COL22A1: variants seen among roughly 807,000 people sequenced by gnomAD.
The protein encoded by COL22A1 is collagen alpha-1(XXII) chain.
COL22A1 carries 221 observed loss-of-function variants against 248.9 expected under a neutral mutation model. The ratio of observed to expected loss-of-function variants is 0.89; its 90% CI spans 0.80 to 0.99. The LOEUF (loss-of-function observed/expected upper bound fraction) is 0.99. Among genes scored for constraint, COL22A1 ranks in the 50% least tolerant of loss-of-function variants. COL22A1 has a pLI of 0.00. For missense variants in COL22A1, 2,240 were observed against 2,179.0 expected (o/e 1.03, Z -0.56); for synonymous variants, 891 against 793.4 (o/e 1.12, Z -2.07).
chr8:138,899,312 C>T (rs1349332878), intron 1 of COL22A1, among the ~76,000 whole-genome samples: 6 of 152,038 alleles, frequency 3.9e-5, no homozygotes, highest in East Asian at 1.9e-4. Flanking sequence ...GGCCACTTTA[C>T]GGATAAAAAA....
intron 23 of COL22A1, among the ~76,000 whole-genome samples, chr8:138,728,624 CT>C (rs1430950454): frequency 1.4e-4 from 22 of 151,990 alleles, no homozygotes; most frequent in African/African-American, 4.8e-4. Flanking sequence ...GTTTTGGAGT[CT>C]CATAGCACGT....
chr8:138,592,859 A>T (rs993574439), intron 63 of COL22A1, among the ~76,000 whole-genome samples: 2 of 152,240 alleles, frequency 1.3e-5, no homozygotes, highest in South Asian at 4.1e-4. Flanking sequence ...AAAAAAATAG[A>T]TAAAATATTT....
At chr8:138,678,965 G>A (rs925879572) in intron 40 of COL22A1, among the ~76,000 whole-genome samples, 30 of 152,098 alleles carry the variant, frequency 2.0e-4, no homozygotes, top group African/African-American at 6.5e-4. Flanking sequence ...ACCCAGGCTG[G>A]AGTACAGTGG....
At chr8:138,631,887 T>A (rs1448399364) in intron 49 of COL22A1, among the ~76,000 whole-genome samples, 2 of 152,210 alleles carry the variant, frequency 1.3e-5, no homozygotes, top group African/African-American at 4.8e-5. Context: ...TGATTTCTCA[T>A]TTATTTAGTG....
Position 138,821,381 on chromosome 8 carries a change from C to A in COL22A1, c.1000G>T (p.Ala334Ser). 1.2e-6 allele frequency: 2 copies of A among 1,613,738 alleles called. No homozygotes were observed. The highest frequency in any genetic ancestry group is 1.7e-6 in the Non-Finnish European group (2 of 1,179,702). ...GCACCCACAGCGTTGTACTCGACTG[C>A]CTTGTTTTCACCATCCAGCCGGATG... Reference protein sequence around the residue: ...VSIRLDGENKAVEYNAVGAMK... With the variant: ...VSIRLDGENKSVEYNAVGAMK... The change falls in exon 7 of 65, where the codon GCA becomes TCA. Residue 334 changes from alanine to serine, a missense_variant. Ala to Ser is a moderately conservative substitution (Grantham distance 99). Transcript: ENST00000303045.
In COL22A1 at chr8:138,755,950, C is replaced by G. The variant is rs556064634; in HGVS notation, c.1903-121G>C. 3 of 783,870 alleles carry G rather than the reference C, an allele frequency of 3.8e-6. No homozygotes were observed. In the East Asian group the frequency reaches 7.6e-5, roughly 20 times the overall value. 48.6% of individuals were successfully genotyped at this position (783,870 alleles called of 1,614,324 possible). On this transcript the variant is annotated intron_variant, in intron 18 of 64. Coordinates refer to ENST00000303045, the MANE Select transcript of COL22A1 (RefSeq NM_152888.3). ...CCACACCCCTCCCTGTGCACCACCACACATATCTTCGTCTTGCCCGAGCCT... is the reference window on the plus strand; with the variant it reads ...CCACACCCCTCCCTGTGCACCACCAGACATATCTTCGTCTTGCCCGAGCCT...
intron 31 of COL22A1, among the ~76,000 whole-genome samples, chr8:138,701,407 T>C (rs1477428962): frequency 6.6e-6 from 1 of 152,198 alleles, no homozygotes; most frequent in Non-Finnish European, 1.5e-5. Flanking sequence ...ATAATGGTCC[T>C]AAACCACAAT....
At chr8:138,827,012 C>T (rs1412638407) in intron 5 of COL22A1, among the ~76,000 whole-genome samples, 1 of 152,182 alleles carries the variant, frequency 6.6e-6, no homozygotes, top group Non-Finnish European at 1.5e-5. Flanking sequence ...CCTTCAAATC[C>T]ATCCCTATGG....
chr8:138,832,605 C>T (rs1245636525), intron 5 of COL22A1, among the ~76,000 whole-genome samples: 1 of 152,096 alleles, frequency 6.6e-6, no homozygotes, highest in Non-Finnish European at 1.5e-5. Context: ...TCTGTAAAGC[C>T]AAGTACCCAG....
chr8:138,710,597 ATCTATC>A (rs751309925), intron 30 of COL22A1, among the ~76,000 whole-genome samples: 3,289 of 50,102 alleles, frequency 0.066, 103 homozygotes, highest in East Asian at 0.31. Context: ...TAATCTATCT[ATCTATC>A]TATCTATATA....
intron 41 of COL22A1, among the ~76,000 whole-genome samples, chr8:138,675,623 G>A (rs11785186): frequency 0.65 from 98,979 of 152,046 alleles, 34,921 homozygotes; most frequent in East Asian, 0.79. Flanking sequence ...GGCTTTTAAG[G>A]ACAAAGTAAA....
At chr8:138,796,389 C>CTTT (rs11284610) in intron 12 of COL22A1, among the ~76,000 whole-genome samples, 12 of 26,302 alleles carry the variant, frequency 4.6e-4, no homozygotes, top group African/African-American at 1.6e-3. Flanking sequence ...TGCTACTTTC[C>CTTT]TTTTTTTTTT....
rs766130567 is a variant in COL22A1 at position 138,649,661 on chromosome 8, T to A, written c.3447+4A>T. 1 of 1,611,690 alleles carries A rather than the reference T, an allele frequency of 6.2e-7. No individual in the cohort carries two copies. Among genetic ancestry groups the A allele is most frequent in the Non-Finnish European group, 8.5e-7 (1 of 1,178,930 alleles). On this transcript the variant is annotated splice_donor_region_variant and intron_variant, in intron 46 of 64. Transcript: ENST00000303045. ...AAAAATCGAGTTTCCCCTTTTCTCC[T>A]TACCTTTTTCCCTTCTGTGCCTTCT...
chr8:138,907,947 G>C (rs1443115916), intron 1 of COL22A1, among the ~76,000 whole-genome samples: 4 of 152,106 alleles, frequency 2.6e-5, no homozygotes, highest in Admixed American at 1.3e-4. Flanking sequence ...TGCTGCAATG[G>C]GGATGAAGTT....
chr8:138,900,578 G>A (rs1814474307), intron 1 of COL22A1, among the ~76,000 whole-genome samples: 1 of 152,206 alleles, frequency 6.6e-6, no homozygotes, highest in African/African-American at 2.4e-5. Context: ...GCTAGAAACT[G>A]TAAATGAAAC....
At chr8:138,746,385 G>A (rs529392098) in intron 22 of COL22A1, among the ~76,000 whole-genome samples, 2 of 152,330 alleles carry the variant, frequency 1.3e-5, no homozygotes, top group East Asian at 3.9e-4. Flanking sequence ...GAAGGAGAGA[G>A]ATAATTTTTT....
At chr8:138,764,540 G>T (rs1179999182) in intron 16 of COL22A1, among the ~76,000 whole-genome samples, 1 of 152,214 alleles carries the variant, frequency 6.6e-6, no homozygotes, top group Non-Finnish European at 1.5e-5. Context: ...TCTGCAGTTT[G>T]GTTTGCAGGC....
intron 3 of COL22A1, among the ~76,000 whole-genome samples, chr8:138,846,341 G>A (rs192545113): frequency 2.6e-3 from 392 of 152,304 alleles, no homozygotes; most frequent in African/African-American, 9.1e-3. Flanking sequence ...ATCTCTGGAG[G>A]CTGGCGGCTG....
At chr8:138,821,037 TG>T in intron 7 of COL22A1, 98 bp downstream of exon 7, 2 of 1,314,432 alleles carry the variant, frequency 1.5e-6, no homozygotes, top group Non-Finnish European at 2.1e-6. Context: ...ATTTGGTACC[TG>T]GTTCATGCAG....
Sources: allele counts gnomAD v4.1 joint callset (sites outside exome capture counted in the v4.1 genomes callset), GRCh38; gene constraint gnomAD v4.1.1; transcripts MANE v1.5; gene names NCBI Gene and HGNC (gene_info 2026-07-23, HGNC 2026-07-21).